Variants in SH3GL1 observed in about 807,000 individuals in gnomAD.
SH3GL1 encodes endophilin-A2.
SH3GL1 carries 21 observed loss-of-function variants against 48.8 expected under a neutral mutation model. The ratio of observed to expected loss-of-function variants is 0.43; its 90% CI spans 0.30 to 0.62. The LOEUF is 0.62. Ranked by LOEUF, SH3GL1 falls within the 20% of genes least tolerant of loss-of-function variation. The pLI is 0.11. For synonymous variants in SH3GL1, 282 were observed against 217.5 expected (o/e 1.30, Z -2.61); for missense variants, 454 against 503.0 (o/e 0.90, Z 0.93).
intron 9 of SH3GL1, 124 bp downstream of exon 9, chr19:4,362,205 A>G (rs1972636618): frequency 2.0e-6 from 2 of 984,780 alleles, no homozygotes; most frequent in South Asian, 1.4e-5. Flanking sequence ...TGTGCCCCCT[A>G]CTGCTGCACG....
At chr19:4,382,681 G>A (rs1436310430) in intron 1 of SH3GL1, among the ~76,000 whole-genome samples, 1 of 152,186 alleles carries the variant, frequency 6.6e-6, no homozygotes, top group Non-Finnish European at 1.5e-5. Context: ...CCATGTAAGG[G>A]AACAGTCACA....
chr19:4,375,901 G>A (rs890447884), intron 1 of SH3GL1, among the ~76,000 whole-genome samples: 2 of 152,232 alleles, frequency 1.3e-5, no homozygotes, highest in Non-Finnish European at 2.9e-5. Context: ...GAGGATCTGC[G>A]TCCAGGGGGC....
At chr19:4,371,190 G>C (rs554340276) in intron 1 of SH3GL1, among the ~76,000 whole-genome samples, 243 of 152,364 alleles carry the variant, frequency 1.6e-3, no homozygotes, top group South Asian at 3.1e-3. Context: ...CTCTTTGGAG[G>C]GGAGCAAGGG....
intron 6 of SH3GL1, 71 bp downstream of exon 6, chr19:4,363,649 T>A: frequency 6.3e-7 from 1 of 1,584,382 alleles, no homozygotes; most frequent in East Asian, 2.2e-5. Context: ...GTCCTCCAGC[T>A]CCCTTGAGGC....
chr19:4,373,289 C>G (rs78871290), intron 1 of SH3GL1, among the ~76,000 whole-genome samples: 3,493 of 152,270 alleles, frequency 0.023, 39 homozygotes, highest in African/African-American at 0.027. Context: ...TCATCACCCA[C>G]TGTGTGTGAT....
In SH3GL1 at chr19:4,360,731, C is replaced by T. The variant is rs1407538742; in HGVS notation, c.*869G>A. On this transcript the variant is annotated 3_prime_UTR_variant, in exon 10 of 10. Transcript: ENST00000269886. ...GGAGCCTGGCCACCAGGGGCTGGGA[C>T]ATGCGCTCACTGGAACCTTTGTGCT... 3 of 233,574 alleles carry T rather than the reference C, an allele frequency of 1.3e-5. No homozygotes were observed. The highest frequency in any genetic ancestry group is 2.5e-5 in the Non-Finnish European group (3 of 118,374). 14.5% of individuals were successfully genotyped at this position (233,574 alleles called of 1,614,324 possible).
chr19:4,391,887 G>A (rs1394643758), intron 1 of SH3GL1, among the ~76,000 whole-genome samples: 1 of 152,234 alleles, frequency 6.6e-6, no homozygotes, highest in Non-Finnish European at 1.5e-5. Context: ...TCCAATGCCG[G>A]CTCCAATGCC....
At chr19:4,373,232 C>A (rs1048581349) in intron 1 of SH3GL1, among the ~76,000 whole-genome samples, 11 of 152,208 alleles carry the variant, frequency 7.2e-5, no homozygotes, top group African/African-American at 2.7e-4. Flanking sequence ...ACCCACTCCC[C>A]AGCCCAAGGG....
At chr19:4,369,376 GGGA>G (rs1469199570) in intron 1 of SH3GL1, among the ~76,000 whole-genome samples, 26 of 152,250 alleles carry the variant, frequency 1.7e-4, no homozygotes, top group African/African-American at 6.3e-4. Flanking sequence ...CTGGGAAGCC[GGGA>G]GGAGAACTGA....
intron 2 of SH3GL1, 27 bp downstream of exon 2, chr19:4,366,899 A>ACTGCTGGGTGGTG: frequency 6.2e-7 from 1 of 1,609,814 alleles, no homozygotes; most frequent in Non-Finnish European, 8.5e-7. Context: ...TGCCACCACC[A>ACTGCTGGGTGGTG]CACAGAGCAC....
At position 4,376,059 on chromosome 19, in the gene SH3GL1, G is replaced by A. The variant is rs529362572; in HGVS notation, c.46-9065C>T. ...ATGGTCTTGGAGAGAGAACTGCGGG[G>A]CATGGTGACAGCGGTGAGAGGCTGC... On this transcript the variant is annotated intron_variant, in intron 1 of 9. Transcript: ENST00000269886. The surrounding 1 kb of genome is among the most constrained non-coding windows in gnomAD (Gnocchi z 4.3). Among the ~76,000 whole-genome samples, 244 of 152,342 alleles carry A rather than the reference G, an allele frequency of 1.6e-3. 2 individuals are homozygous for A. The highest frequency in any genetic ancestry group is 5.6e-3 in the African/African-American group (232 of 41,574).
At chr19:4,364,347 C>T in intron 4 of SH3GL1, 126 bp from the exon 5 acceptor site, 2 of 1,247,220 alleles carry the variant, frequency 1.6e-6, no homozygotes, top group Non-Finnish European at 2.3e-6. Flanking sequence ...TACCAGCTCA[C>T]TGCAGGCCTC....
intron 1 of SH3GL1, among the ~76,000 whole-genome samples, chr19:4,371,561 TTC>T (rs1265066545): frequency 6.6e-6 from 1 of 152,258 alleles, no homozygotes; most frequent in Non-Finnish European, 1.5e-5. Context: ...TTGTTTTTTT[TTC>T]TCTTTTAAAG....
At chr19:4,370,596 C>T (rs1343877963) in intron 1 of SH3GL1, among the ~76,000 whole-genome samples, 4 of 152,202 alleles carry the variant, frequency 2.6e-5, no homozygotes, top group Non-Finnish European at 5.9e-5. Flanking sequence ...AACCGCAGGC[C>T]CCACAAGGGC....
intron 1 of SH3GL1, among the ~76,000 whole-genome samples, chr19:4,384,263 G>C (rs139334071): frequency 6.6e-6 from 1 of 152,168 alleles, no homozygotes; most frequent in Admixed American, 6.5e-5. Flanking sequence ...ATCCCGCTCC[G>C]GACCACACAG....
chr19:4,377,253 G>A (rs577891596), intron 1 of SH3GL1, among the ~76,000 whole-genome samples: 41 of 152,370 alleles, frequency 2.7e-4, no homozygotes, highest in African/African-American at 9.4e-4. Flanking sequence ...AGGTCTGGGC[G>A]GATAGGACAC....
chr19:4,374,997 C>T (rs896633558), intron 1 of SH3GL1, among the ~76,000 whole-genome samples: 7 of 152,320 alleles, frequency 4.6e-5, no homozygotes, highest in South Asian at 4.1e-4. Flanking sequence ...CTCTAATGAC[C>T]GGCAGCCCTG....
chr19:4,361,914 TGCCTGGGCCACCCCCTGCCCC>T (rs1568405136), intron 9 of SH3GL1, 118 bp from the exon 10 acceptor site: 1 of 721,904 alleles, frequency 1.4e-6, no homozygotes, highest in Non-Finnish European at 2.3e-6. Flanking sequence ...CCCTCTGCCC[TGCCTGGGCCACCCCCTGCCCC>T]TGCCACTTCT....
chr19:4,361,684 C>T lies in SH3GL1; in HGVS notation c.1023G>A (p.Glu341=). ...CGTCCAGCATGCCCTCGTACCAGTT[C>T]TCATCGATCTGGTTGGTCAGCGTGA... The part of the protein sequence containing the change: ...DVITLTNQID[E]NWYEGMLDGQ... Residue 341 remains glutamate (E), a synonymous_variant, in exon 10 of 10, where the codon GAG becomes GAA. Transcript: ENST00000269886. 2.5e-6 allele frequency: 4 copies of T among 1,613,206 alleles called. No homozygotes were observed. The highest frequency in any genetic ancestry group is 1.1e-5 in the South Asian group (1 of 91,088).
Sources: allele counts gnomAD v4.1 joint callset (sites outside exome capture counted in the v4.1 genomes callset), GRCh38; gene constraint gnomAD v4.1.1; non-coding constraint Gnocchi (gnomAD v3.1); transcripts MANE v1.5; gene names NCBI Gene and HGNC (gene_info 2026-07-23, HGNC 2026-07-21).